MAGI1: variants seen among roughly 807,000 people sequenced by gnomAD.
MAGI1 encodes the protein membrane-associated guanylate kinase, WW and PDZ domain-containing protein 1.
MAGI1 carries 58 observed loss-of-function variants against 139.9 expected under a neutral mutation model. The ratio of observed to expected loss-of-function variants is 0.41; its 90% CI spans 0.34 to 0.52. The LOEUF (loss-of-function observed/expected upper bound fraction) is 0.52. Ranked by LOEUF, MAGI1 falls within the 20% of genes least tolerant of loss-of-function variation. The probability of loss-of-function intolerance (pLI) is 0.12; values close to 1 mark genes in which losing one functional copy is unlikely to be tolerated. For synonymous variants in MAGI1, 812 were observed against 737.9 expected (o/e 1.10, Z -1.63); for missense variants, 1,874 against 1,901.6 (o/e 0.99, Z 0.27).
intron 1 of MAGI1, among the ~76,000 whole-genome samples, chr3:65,893,414 G>T (rs264667): frequency 0.24 from 35,998 of 151,012 alleles, 6,302 homozygotes; most frequent in African/African-American, 0.5. Context: ...TTTACATAAC[G>T]CCTTTAAAAA....
chr3:65,912,415 T>A (rs2061709560), intron 1 of MAGI1, among the ~76,000 whole-genome samples: 1 of 152,120 alleles, frequency 6.6e-6, no homozygotes, highest in Admixed American at 6.6e-5. Flanking sequence ...AAGGGATAAT[T>A]CACACATGGA....
chr3:65,722,491 G>C (rs1025967456), intron 1 of MAGI1, among the ~76,000 whole-genome samples: 1 of 151,672 alleles, frequency 6.6e-6, no homozygotes, highest in African/African-American at 2.4e-5. Flanking sequence ...AAATTAGCTA[G>C]ACACAGTGGC....
chr3:65,895,109 TGCATGGTTGG>T (rs980351020), intron 1 of MAGI1, among the ~76,000 whole-genome samples: 58 of 152,366 alleles, frequency 3.8e-4, no homozygotes, highest in African/African-American at 1.3e-3. Flanking sequence ...TGGCAATATG[TGCATGGTTGG>T]GCATAATCTG....
At chr3:65,516,597 G>C (rs951156358) in intron 2 of MAGI1, among the ~76,000 whole-genome samples, 12 of 151,998 alleles carry the variant, frequency 7.9e-5, no homozygotes, top group Admixed American at 4.6e-4. Context: ...CTACATGTCA[G>C]GCACTGCAAG....
chr3:65,889,125 C>CT (rs1364868493), intron 1 of MAGI1, among the ~76,000 whole-genome samples: 23 of 152,160 alleles, frequency 1.5e-4, no homozygotes, highest in Non-Finnish European at 4.4e-5. Flanking sequence ...ATCTGTGAAA[C>CT]TTTCTGAAGC....
chr3:65,610,677 T>A (rs959006396), intron 2 of MAGI1, among the ~76,000 whole-genome samples: 6 of 145,200 alleles, frequency 4.1e-5, no homozygotes, highest in African/African-American at 1.5e-4. Flanking sequence ...CTGTTTGTAA[T>A]CTTATCCTAT....
chr3:65,473,364 C>A (rs1423671611), intron 4 of MAGI1, among the ~76,000 whole-genome samples: 1 of 152,080 alleles, frequency 6.6e-6, no homozygotes, highest in East Asian at 1.9e-4. Flanking sequence ...GGCATAAGAA[C>A]AGAATTAACA....
chr3:66,028,301 T>A (rs956226328), intron 1 of MAGI1, among the ~76,000 whole-genome samples: 1 of 152,162 alleles, frequency 6.6e-6, no homozygotes, highest in African/African-American at 2.4e-5. Context: ...GGTACTTCAA[T>A]GAGCACCACT....
chr3:65,969,923 C>G (rs775797647), intron 1 of MAGI1, among the ~76,000 whole-genome samples: 3 of 152,152 alleles, frequency 2.0e-5, no homozygotes, highest in Non-Finnish European at 4.4e-5. Flanking sequence ...TCCTTTAGAA[C>G]AGTTGCCAGC....
chr3:65,749,789 A>AC (rs1343515904), intron 1 of MAGI1, among the ~76,000 whole-genome samples: 1 of 152,020 alleles, frequency 6.6e-6, no homozygotes, highest in Non-Finnish European at 1.5e-5. Flanking sequence ...AGTAGAAATG[A>AC]TACGCTGAAT....
At chr3:65,540,006 CT>C (rs1417623704) in intron 2 of MAGI1, among the ~76,000 whole-genome samples, 2 of 152,178 alleles carry the variant, frequency 1.3e-5, no homozygotes, top group Non-Finnish European at 2.9e-5. Context: ...CTCACTTCCC[CT>C]ACACTCACTT....
intron 1 of MAGI1, among the ~76,000 whole-genome samples, chr3:65,977,297 C>T (rs188438613): frequency 4.6e-5 from 7 of 152,284 alleles, no homozygotes; most frequent in African/African-American, 1.7e-4. Flanking sequence ...ACGAGGACTC[C>T]ACTTGACTTC....
Position 65,900,164 on chromosome 3 carries a change from G to A in MAGI1, c.313+137832C>T, listed in dbSNP as rs1179667295. Among the ~76,000 whole-genome samples, 8 of 151,790 alleles carry A rather than the reference G, an allele frequency of 5.3e-5. No individual in the cohort carries two copies. The East Asian group carries it at 1.2e-3, about 22-fold the overall frequency. On this transcript the variant is annotated intron_variant, in intron 1 of 22. Transcript: ENST00000402939. ...AAGAGATAGGCAGTATACACCCATCGTCTTGCTTTGCACGTTATTGCAAGG... is the reference window on the plus strand; with the variant it reads ...AAGAGATAGGCAGTATACACCCATCATCTTGCTTTGCACGTTATTGCAAGG...
At chr3:65,527,159 A>G (rs557223622) in intron 2 of MAGI1, among the ~76,000 whole-genome samples, 108 of 152,340 alleles carry the variant, frequency 7.1e-4, no homozygotes, top group African/African-American at 2.5e-3. Context: ...CTCCTTTGTC[A>G]CACCAGTGGC....
intron 1 of MAGI1, among the ~76,000 whole-genome samples, chr3:65,789,331 C>T (rs541864976): frequency 2.3e-4 from 35 of 152,220 alleles, no homozygotes; most frequent in Non-Finnish European, 3.7e-4. Flanking sequence ...GGATGCTTAA[C>T]GTTCCCCAGT....
intron 2 of MAGI1, among the ~76,000 whole-genome samples, chr3:65,535,184 CTGA>C (rs2078905277): frequency 6.6e-6 from 1 of 152,144 alleles, no homozygotes; most frequent in African/African-American, 2.4e-5. Flanking sequence ...AAAAGGAAGT[CTGA>C]TGATAGTGGA....
intron 1 of MAGI1, chr3:66,008,886 C>G (rs943803900): frequency 2.6e-5 from 4 of 152,252 alleles, no homozygotes; most frequent in East Asian, 3.9e-4. Context: ...GAGAGAAGCC[C>G]TGAGAGGCTT....
At chr3:65,688,892 C>A (rs2107549743) in intron 1 of MAGI1, among the ~76,000 whole-genome samples, 1 of 152,278 alleles carries the variant, frequency 6.6e-6, no homozygotes, top group African/African-American at 2.4e-5. Context: ...GACTTGAGAA[C>A]TACTGAGTAA....
At chr3:65,927,873 C>T (rs906394898) in intron 1 of MAGI1, among the ~76,000 whole-genome samples, 6 of 152,054 alleles carry the variant, frequency 3.9e-5, no homozygotes, top group African/African-American at 1.2e-4. Flanking sequence ...CCACACCTGG[C>T]GCTCAGGAAA....
Sources: allele counts gnomAD v4.1 joint callset (sites outside exome capture counted in the v4.1 genomes callset), GRCh38; gene constraint gnomAD v4.1.1; transcripts MANE v1.5; gene names NCBI Gene and HGNC (gene_info 2026-07-23, HGNC 2026-07-21).